Variants in MUC12 observed in about 807,000 individuals in gnomAD.
MUC12 encodes mucin-12.
In MUC12, 172 loss-of-function variants were observed where a neutral mutation model predicts 230.8. That is an observed-to-expected ratio of 0.75 (90% confidence interval 0.66 to 0.85). The LOEUF is 0.85. MUC12 is among the 40% of genes least tolerant of loss of function. MUC12 has a pLI of 0.00. For missense variants in MUC12, 3,506 were observed against 5,920.6 expected, an observed-to-expected ratio of 0.59 and a Z score of 13.38; for synonymous variants, 1,259 against 2,401.9, an observed-to-expected ratio of 0.52 and a Z score of 13.91.
chr7:101,012,708 C>T lies in MUC12; in HGVS notation c.15404-111C>T, dbSNP rs1023970588. On this transcript the variant is annotated intron_variant, in intron 6 of 11. Transcript: ENST00000536621. Reference sequence around the variant, plus strand: ...TGTCTAGGGTGGGCAAAGACTCCCACGGGCATTGGCCCAGGGGAGGGCATG... The same window carrying T: ...TGTCTAGGGTGGGCAAAGACTCCCATGGGCATTGGCCCAGGGGAGGGCATG... 83 of 1,238,974 alleles carry T rather than the reference C, an allele frequency of 6.7e-5. No individual in the cohort carries two copies. The Middle Eastern group carries it at 7.5e-4, about 11-fold the overall frequency. 76.7% of individuals were successfully genotyped at this position (1,238,974 alleles called of 1,614,324 possible). A position where few individuals can be genotyped will look rare whatever the true frequency, so the allele number is the denominator to read the frequency against.
chr7:100,990,363 C>G (rs974269904), intron 1 of MUC12, among the ~76,000 whole-genome samples: 2 of 152,340 alleles, frequency 1.3e-5, no homozygotes, highest in African/African-American at 4.8e-5. Context: ...CAATAGCCAA[C>G]AGCTCAAGTC....
chr7:100,992,264 T>A lies in MUC12; in HGVS notation c.1701T>A (p.Ser567Arg). 1.3e-6 allele frequency: 2 copies of A among 1,537,548 alleles called. No individual in the cohort carries two copies. The change falls in exon 2 of 12, where the codon AGT becomes AGA. Residue 567 changes from serine to arginine, a missense_variant. Transcript: ENST00000536621. ...CAGACACAACATTGTCCCCTGGCAG[T>A]ACCACAGCATCATCCCTTGGTCCAG... is the stretch of plus-strand genomic sequence containing the variant. ...GPTDTTLSPG[S>R]TTASSLGPEY...
In MUC12 at chr7:100,999,630, A is replaced by G; in HGVS notation, c.9067A>G (p.Thr3023Ala). ...TTAAPVEVST[T>A]YHSRPSSTPT... ...AGCAGCCCCTGTTGAAGTATCCACA[A>G]CCTACCACAGCCGCCCGAGCTCAAC... The change falls in exon 2 of 12, where the codon ACC becomes GCC. Residue 3023 changes from threonine to alanine, a missense_variant. Thr to Ala is a moderately conservative substitution (Grantham distance 58). Coordinates refer to ENST00000536621, the MANE Select transcript of MUC12 (RefSeq NM_001164462.2). The G allele has an allele frequency of 8.1e-7, 1 of 1,234,844 alleles. No homozygotes were observed. Among genetic ancestry groups the G allele is most frequent in the South Asian group, 1.5e-5 (1 of 67,946 alleles). 76.5% of individuals were successfully genotyped at this position (1,234,844 alleles called of 1,614,324 possible).
Position 100,995,640 on chromosome 7 carries a change from C to G in MUC12, c.5077C>G (p.Pro1693Ala). ...AGAATCTACCACCTTCCAGAGCTGG[C>G]CAAGCTCAAAGGACACTATGCCTGC... ...QGESTTFQSW[P>A]SSKDTMPAPP... The change falls in exon 2 of 12, where the codon CCA (proline) becomes GCA (alanine). Residue 1693 changes from proline to alanine, a missense_variant. By Grantham distance (27) the Pro-to-Ala change is conservative. Coordinates refer to ENST00000536621, the MANE Select transcript of MUC12 (RefSeq NM_001164462.2). 5.2e-6 allele frequency: 8 copies of G among 1,537,110 alleles called. No individual in the cohort carries two copies. Among genetic ancestry groups the G allele is most frequent in the Non-Finnish European group, 7.0e-6 (8 of 1,147,062 alleles).
intron 8 of MUC12, among the ~76,000 whole-genome samples, 190 bp from the exon 9 acceptor site, chr7:101,013,723 C>T (rs984225973): frequency 6.6e-6 from 1 of 152,300 alleles, no homozygotes; most frequent in East Asian, 1.9e-4. Flanking sequence ...TCTGCAGTCT[C>T]CAGGTCCCCC....
rs534365429 is a variant in MUC12, at chr7:100,971,254, C to G, written c.67+1565C>G. Among the ~76,000 whole-genome samples, 3 of 152,384 alleles carry G rather than the reference C, an allele frequency of 2.0e-5. No homozygotes were observed. The East Asian group carries it at 5.8e-4, about 29-fold the overall frequency. On this transcript the variant is annotated intron_variant, in intron 1 of 11. Coordinates refer to ENST00000536621, the MANE Select transcript of MUC12 (RefSeq NM_001164462.2). Reference sequence around the variant, plus strand: ...CTCAGGGGTCCTTGCTCAGCCTGGTCGTGGCTGTGTCTGAGAGATGACTCT... The same window carrying G: ...CTCAGGGGTCCTTGCTCAGCCTGGTGGTGGCTGTGTCTGAGAGATGACTCT...
chr7:101,014,640 G>A (rs1344895403), intron 9 of MUC12, among the ~76,000 whole-genome samples: 1 of 152,068 alleles, frequency 6.6e-6, no homozygotes, highest in Non-Finnish European at 1.5e-5. Flanking sequence ...ACCATGCCTG[G>A]CTAATTTTTG....
intron 1 of MUC12, among the ~76,000 whole-genome samples, chr7:100,987,912 G>A (rs1248682299): frequency 1.3e-5 from 2 of 151,460 alleles, no homozygotes; most frequent in African/African-American, 2.4e-5. Flanking sequence ...CAGATGGTGC[G>A]GTGAGCCAAG....
intron 10 of MUC12, among the ~76,000 whole-genome samples, chr7:101,016,624 A>AT (rs1250725731): frequency 6.8e-6 from 1 of 146,182 alleles, no homozygotes; most frequent in African/African-American, 2.5e-5. Context: ...CACATTTTGA[A>AT]TTTTTTTTAC....
At chr7:101,016,800 C>T (rs1317427489) in intron 10 of MUC12, 1 of 152,410 alleles carries the variant, frequency 6.6e-6, no homozygotes, top group Non-Finnish European at 1.5e-5. Flanking sequence ...CGAGCTGACC[C>T]TTGGGCCCCG....
intron 5 of MUC12, among the ~76,000 whole-genome samples, chr7:101,011,562 CA>C (rs1225438393): frequency 6.6e-6 from 1 of 152,180 alleles, no homozygotes; most frequent in Non-Finnish European, 1.5e-5. Context: ...GCTGGGACTA[CA>C]AGCGTGCACT....
chr7:101,015,818 T>G, intron 10 of MUC12, 127 bp downstream of exon 10: 1 of 784,400 alleles, frequency 1.3e-6, no homozygotes, highest in Non-Finnish European at 2.0e-6. Flanking sequence ...TGACAGCCCG[T>G]TCCCTACCTG....
rs1332976997 is a variant in MUC12, at chr7:101,003,517, C to G, written c.12954C>G (p.Gly4318=). Residue 4318 remains glycine (G), a synonymous_variant, in exon 2 of 12, where the codon GGC becomes GGG. Transcript: ENST00000536621. ...CACACACAACACTGTCCCCTGCCGG[C>G]TCTACAACCCGTCAGGGAGAATCTA... The part of the protein sequence containing the change: ...GSPHTTLSPA[G]STTRQGESTT... 1 of 1,528,786 alleles carries G rather than the reference C, an allele frequency of 6.5e-7. No homozygotes were observed. The highest frequency in any genetic ancestry group is 8.8e-7 in the Non-Finnish European group (1 of 1,142,702). 94.7% of individuals were successfully genotyped at this position (1,528,786 alleles called of 1,614,324 possible).
chr7:101,006,015 C>G (rs1793743353), intron 2 of MUC12, among the ~76,000 whole-genome samples: 1 of 152,088 alleles, frequency 6.6e-6, no homozygotes, highest in African/African-American at 2.4e-5. Flanking sequence ...CCAAGCTAGT[C>G]TCAAACTCCT....
chr7:100,975,302 G>T (rs916806740), intron 1 of MUC12, among the ~76,000 whole-genome samples: 1 of 152,310 alleles, frequency 6.6e-6, no homozygotes, highest in African/African-American at 2.4e-5. Flanking sequence ...TGCCCTGGAG[G>T]GGCGGGGCCA....
intron 3 of MUC12, among the ~76,000 whole-genome samples, chr7:101,007,006 T>A (rs1376439269): frequency 6.6e-6 from 1 of 152,210 alleles, no homozygotes; most frequent in Non-Finnish European, 1.5e-5. Context: ...TCTCCCAGGC[T>A]GGAGTGTGAT....
At chr7:100,978,143 G>A (rs553640666) in intron 1 of MUC12, among the ~76,000 whole-genome samples, 18 of 152,258 alleles carry the variant, frequency 1.2e-4, no homozygotes, top group African/African-American at 4.1e-4. Context: ...TATTCAATGC[G>A]CGATACCATG....
At position 100,993,574 on chromosome 7, in the gene MUC12, C is replaced by T. The variant is rs751046611; in HGVS notation, c.3011C>T (p.Thr1004Met). ...ACCCACCCAGCCTCAACTCACACAA[C>T]GCCTTCACCTCCTAGCACCGCAACA... ...FQTHPASTHT[T>M]PSPPSTATAP... Residue 1004 changes from threonine to methionine, a missense_variant, in exon 2 of 12, where the codon ACG becomes ATG. Thr to Met is a moderately conservative substitution (Grantham distance 81). Transcript: ENST00000536621. 147 of 914,560 alleles carry T rather than the reference C, an allele frequency of 1.6e-4. 23 individuals are homozygous for T. Among genetic ancestry groups the T allele is most frequent in the African/African-American group, 3.6e-4 (13 of 35,840 alleles). 56.7% of individuals were successfully genotyped at this position (914,560 alleles called of 1,614,324 possible).
chr7:100,981,508 G>A (rs372626179), intron 1 of MUC12: 18 of 481,156 alleles, frequency 3.7e-5, no homozygotes, highest in African/African-American at 3.0e-4. Flanking sequence ...GCGTCAGGAG[G>A]TGAGGGTGTC....
Sources: gnomAD v4.1 joint callset for allele counts (sites outside exome capture counted in the v4.1 genomes callset) on GRCh38, gnomAD v4.1.1 for gene constraint, MANE v1.5 for transcripts, NCBI Gene and HGNC (gene_info 2026-07-23, HGNC 2026-07-21) for gene names.